The following ZNF44 variants were observed in gnomAD, a reference collection of about 807,000 sequenced individuals.
ZNF44 encodes the protein gonadotropin inducible transcription repressor-2.
A neutral mutation model predicts 11.7 loss-of-function variants in ZNF44; 9 were observed. The observed-to-expected ratio is 0.77, with a 90% confidence interval of 0.46 to 1.35. The LOEUF is 1.35. Among genes scored for constraint, ZNF44 ranks in the 40% most tolerant of loss-of-function variants. ZNF44 has a pLI of 0.00. For missense variants in ZNF44, 696 were observed against 743.1 expected, an observed-to-expected ratio of 0.94 and a Z score of 0.74; for synonymous variants, 224 against 242.7, an observed-to-expected ratio of 0.92 and a Z score of 0.72.
At chr19:12,247,546 T>C (rs1916805623), downstream of ZNF44, 1 of 1,348,608 alleles carries the variant, frequency 7.4e-7, no homozygotes, top group African/African-American at 1.5e-5. Flanking sequence ...CCAGTGTGGG[T>C]TCTTTCATGT....
chr19:12,293,758 G>A (rs761493641), intron 1 of ZNF44, among the ~76,000 whole-genome samples: 2 of 152,080 alleles, frequency 1.3e-5, no homozygotes, highest in Non-Finnish European at 2.9e-5. Context: ...AGACCCTGAT[G>A]CCAATATCTT....
intron 1 of ZNF44, among the ~76,000 whole-genome samples, chr19:12,282,989 T>C (rs577087327): frequency 1.3e-5 from 2 of 152,216 alleles, no homozygotes; most frequent in Non-Finnish European, 2.9e-5. Flanking sequence ...CCGGTATGAA[T>C]AGTCCTCCAG....
downstream of ZNF44, chr19:12,247,465 G>T: frequency 1.5e-6 from 2 of 1,333,260 alleles, no homozygotes; most frequent in South Asian, 1.2e-5. Flanking sequence ...GTATGAATTC[G>T]TTCATGTATA....
chr19:12,247,734 G>C (rs747971511), exon 8 of ZNF44: 1 of 1,336,254 alleles, frequency 7.5e-7, no homozygotes, highest in South Asian at 1.2e-5. Context: ...TCTTTGAGCT[G>C]AGTAGTAGTA....
In ZNF44 at chr19:12,248,645, T is replaced by G. The variant is rs190170262; in HGVS notation, c.*220A>C. 1.5e-3 allele frequency: 1,987 copies of G among 1,310,620 alleles called. 6 individuals are homozygous for G. Among genetic ancestry groups the G allele is most frequent in the Admixed American group, 1.9e-3 (85 of 45,652 alleles). The allele number at this position is 1,310,620 out of a possible 1,614,324, so 81.2% of individuals were successfully genotyped here. A position where few individuals can be genotyped will look rare whatever the true frequency, so the allele number is the denominator to read the frequency against. On this transcript the variant is annotated 3_prime_UTR_variant and NMD_transcript_variant, in exon 8 of 8. Transcript: ENST00000393337. The stretch of plus-strand genomic sequence containing the variant: ...AACCTTCTCCGCCATGACTACCTTC[T>G]TTACTTTCACAGAGTCTCTCTACCA...
At chr19:12,270,035 G>A (rs527910594), downstream of ZNF44, among the ~76,000 whole-genome samples, 2 of 152,092 alleles carry the variant, frequency 1.3e-5, no homozygotes, top group Non-Finnish European at 2.9e-5. Context: ...AGTTTTAATA[G>A]ATTTCCAGTT....
chr19:12,292,855 G>GTTTTTTTTTTTTTTTTTTTTTTTTTTTT (rs71166664), intron 1 of ZNF44, among the ~76,000 whole-genome samples: 3 of 76,916 alleles, frequency 3.9e-5, no homozygotes, highest in African/African-American at 1.5e-4. Context: ...CAGAGGTTAG[G>GTTTTTTTTTTTTTTTTTTTTTTTTTTTT]TTTTTTTTTT....
At chr19:12,284,336 AATGGC>A (rs1967623837) in intron 1 of ZNF44, 1 of 519,630 alleles carries the variant, frequency 1.9e-6, no homozygotes, top group East Asian at 4.1e-5. Context: ...GAAAACACCA[AATGGC>A]TGATGACGCA....
chr19:12,284,361 C>T (rs1164543670), intron 1 of ZNF44: 12 of 575,886 alleles, frequency 2.1e-5, no homozygotes, highest in Middle Eastern at 4.9e-4. Context: ...AGGTGCAGCG[C>T]GGGGGTCCAG....
At chr19:12,249,621 C>T (rs1180245927) in intron 7 of ZNF44, among the ~76,000 whole-genome samples, 1 of 152,098 alleles carries the variant, frequency 6.6e-6, no homozygotes, top group Non-Finnish European at 1.5e-5. Flanking sequence ...GGCACAATCT[C>T]GGCTTACTGC....
chr19:12,241,182 A>C (rs1305265822), upstream of ZNF44, among the ~76,000 whole-genome samples: 2 of 152,342 alleles, frequency 1.3e-5, no homozygotes, highest in East Asian at 3.9e-4. Context: ...GGGAAATGTA[A>C]ATCAAAACAC....
intron 1 of ZNF44, among the ~76,000 whole-genome samples, chr19:12,281,303 T>A (rs1308757175): frequency 3.3e-5 from 5 of 152,110 alleles, no homozygotes. Context: ...CTCAACAAAG[T>A]GGAGATTGAA....
intron 1 of ZNF44, among the ~76,000 whole-genome samples, chr19:12,236,927 A>G (rs1321902361): frequency 1.3e-5 from 2 of 152,242 alleles, no homozygotes; most frequent in Non-Finnish European, 2.9e-5. Flanking sequence ...GCGACTTATA[A>G]CCAAAGATTT....
chr19:12,274,200 G>A (rs1967111504), intron 3 of ZNF44, 137 bp from the exon 4 acceptor site: 2 of 621,442 alleles, frequency 3.2e-6, no homozygotes, highest in Non-Finnish European at 5.3e-6. Context: ...TGGACTGAAT[G>A]TTGTGCAAGA....
exon 8 of ZNF44, chr19:12,248,656 A>G (rs1916855995): frequency 1.5e-6 from 2 of 1,308,682 alleles, no homozygotes; most frequent in South Asian, 2.4e-5. Context: ...TTACTTTCAC[A>G]GAGTCTCTCT....
intron 5 of ZNF44, among the ~76,000 whole-genome samples, chr19:12,264,895 G>A (rs1917665036): frequency 6.6e-6 from 1 of 151,832 alleles, no homozygotes; most frequent in South Asian, 2.1e-4. Context: ...ACAGGGTTTC[G>A]CCATGTTGCC....
chr19:12,232,898 C>G (rs1273431415), intron 2 of ZNF44, among the ~76,000 whole-genome samples: 2 of 152,138 alleles, frequency 1.3e-5, no homozygotes, highest in Non-Finnish European at 2.9e-5. Context: ...AGAAACAAAG[C>G]TGAGCCACTT....
chr19:12,275,492 C>CA (rs1967178054), intron 2 of ZNF44, among the ~76,000 whole-genome samples: 1 of 151,842 alleles, frequency 6.6e-6, no homozygotes, highest in Admixed American at 6.6e-5. Flanking sequence ...ACTAAAAATA[C>CA]AAAAAATTAG....
At chr19:12,241,989 T>C (rs966710957), upstream of ZNF44, among the ~76,000 whole-genome samples, 3 of 151,988 alleles carry the variant, frequency 2.0e-5, no homozygotes, top group African/African-American at 7.3e-5. Context: ...GCACCTAGAA[T>C]CAGCAAATTC....
Sources: gnomAD v4.1 joint callset for allele counts (sites outside exome capture counted in the v4.1 genomes callset) on GRCh38, gnomAD v4.1.1 for gene constraint, MANE v1.5 for transcripts, NCBI Gene and HGNC (gene_info 2026-07-23, HGNC 2026-07-21) for gene names.